The following FGF8 variants were observed in gnomAD, a reference collection of about 807,000 sequenced individuals.
The protein encoded by FGF8 is fibroblast growth factor 8, also known as androgen-induced growth factor.
In FGF8, 12 loss-of-function variants were observed where a neutral mutation model predicts 29.7. The ratio of observed to expected loss-of-function variants is 0.40; its 90% confidence interval spans 0.26 to 0.65. The LOEUF (loss-of-function observed/expected upper bound fraction) is 0.65. Among genes scored for constraint, FGF8 ranks in the 30% least tolerant of loss-of-function variants. FGF8 has a pLI of 0.37. For missense variants in FGF8, 271 were observed against 345.1 expected, an observed-to-expected ratio of 0.79 and a Z score of 1.70; for synonymous variants, 157 against 144.4, an observed-to-expected ratio of 1.09 and a Z score of -0.63.
In FGF8 at chr10:101,775,700, C is replaced by T. The variant is rs1345311618; in HGVS notation, c.69+40G>A. 1.3e-6 allele frequency: 2 copies of T among 1,539,288 alleles called. No individual in the cohort carries two copies. Among genetic ancestry groups the T allele is most frequent in the Non-Finnish European group, 1.7e-6 (2 of 1,144,178 alleles). ...CGGCGCTGCCCACCCGGGTCTCACACCGGCGCGCCCGGCCCCCGCCTCCGC... is the reference window on the plus strand; with the variant it reads ...CGGCGCTGCCCACCCGGGTCTCACATCGGCGCGCCCGGCCCCCGCCTCCGC... On this transcript the variant is annotated intron_variant, in intron 2 of 5. Transcript: ENST00000320185. This position sits in a 1 kb window ranked among gnomAD's most constrained non-coding sequence, Gnocchi z 4.6.
chr10:101,771,222 C>A lies in FGF8; in HGVS notation c.444+241G>T, dbSNP rs1409578921. 1.3e-5 allele frequency among the ~76,000 whole-genome samples: 2 copies of A among 152,172 alleles called. No homozygotes were observed. Among genetic ancestry groups the A allele is most frequent in the African/African-American group, 2.4e-5 (1 of 41,424 alleles). On this transcript the variant is annotated intron_variant, in intron 5 of 5. Coordinates refer to ENST00000320185, the MANE Select transcript of FGF8 (RefSeq NM_033163.5). The surrounding 1 kb of genome is among the most constrained non-coding windows in gnomAD (Gnocchi z 5.3). ...AAAAAGATATATGGAATTTACCAACCACCACCCCCCAGCCCCTTCCCTAGC... is the reference window on the plus strand; with the variant it reads ...AAAAAGATATATGGAATTTACCAACAACCACCCCCCAGCCCCTTCCCTAGC...
upstream of FGF8, among the ~76,000 whole-genome samples, chr10:101,778,149 T>C (rs543426069): frequency 6.6e-6 from 1 of 152,366 alleles, no homozygotes; most frequent in East Asian, 1.9e-4. Flanking sequence ...CAGTAGGCCC[T>C]CAAGCATGTT....
intron 4 of FGF8, among the ~76,000 whole-genome samples, chr10:101,773,080 G>A (rs541504570): frequency 4.6e-5 from 7 of 152,200 alleles, no homozygotes; most frequent in East Asian, 1.9e-4. Flanking sequence ...TATTCTCCCC[G>A]GACTACTCCT....
At chr10:101,779,449 G>A (rs997025560), upstream of FGF8, among the ~76,000 whole-genome samples, 6 of 152,248 alleles carry the variant, frequency 3.9e-5, no homozygotes, top group African/African-American at 1.4e-4. The surrounding 1 kb of genome is among the most constrained non-coding windows in gnomAD (Gnocchi z 5.7). Flanking sequence ...GGGCAAAGAA[G>A]AGGGCTCGAG....
intron 4 of FGF8, 120 bp downstream of exon 4, chr10:101,774,612 A>AC: frequency 1.2e-6 from 1 of 833,442 alleles, no homozygotes; most frequent in Non-Finnish European, 1.9e-6. Flanking sequence ...CCCTCAAGAC[A>AC]CCTTTCTGCC....
At position 101,774,986 on chromosome 10, in the gene FGF8, C is replaced by A. The variant is rs1358313828; in HGVS notation, c.157-74G>T. On this transcript the variant is annotated intron_variant, in intron 3 of 5. Transcript: ENST00000320185. ...CCCAGGGGCCCGAGTGGCCCCATCA[C>A]CCTGCGTCCCCCTCACTGCCCCAAG... is the stretch of plus-strand genomic sequence containing the variant. 14 of 1,553,036 alleles carry A rather than the reference C, an allele frequency of 9.0e-6. No individual in the cohort carries two copies. The Admixed American group carries it at 2.1e-4, about 24-fold the overall frequency.
chr10:101,774,650 C>A, intron 4 of FGF8, 82 bp downstream of exon 4: 1 of 1,211,830 alleles, frequency 8.3e-7, no homozygotes, highest in Admixed American at 1.7e-5. Flanking sequence ...GAGCTGGGGA[C>A]CCTGCAGGCC....
Position 101,771,188 on chromosome 10 carries a change from C to T in FGF8, c.444+275G>A, listed in dbSNP as rs185179366. Among the ~76,000 whole-genome samples, 14 of 152,314 alleles carry T rather than the reference C, an allele frequency of 9.2e-5. No homozygotes were observed. In the East Asian group the frequency reaches 1.9e-3, roughly 21 times the overall value. On this transcript the variant is annotated intron_variant, in intron 5 of 5. Coordinates refer to ENST00000320185, the MANE Select transcript of FGF8 (RefSeq NM_033163.5). The surrounding 1 kb of genome is among the most constrained non-coding windows in gnomAD (Gnocchi z 5.3). ...TGGACATAATAGCAAAGCAATTTGG[C>T]GATTTGTTAAAAAGATATATGGAAT...
rs529705500 is a variant in FGF8, at chr10:101,772,987, T to C, written c.338-1418A>G. On this transcript the variant is annotated intron_variant, in intron 4 of 5. Coordinates refer to ENST00000320185, the MANE Select transcript of FGF8 (RefSeq NM_033163.5). This position sits in a 1 kb window ranked among gnomAD's most constrained non-coding sequence, Gnocchi z 4.4. ...TGAGAGGATGCCACTCTGGGGATTC[T>C]GGCCAGATGCGGCAGGCAGGGATGA... Among the ~76,000 whole-genome samples the C allele has an allele frequency of 2.6e-5, 4 of 152,342 alleles. No homozygotes were observed. The East Asian group carries it at 7.7e-4, about 29-fold the overall frequency.
In FGF8 at chr10:101,775,418, C is replaced by T; in HGVS notation, c.70-202G>A. 3.3e-6 allele frequency: 2 copies of T among 607,112 alleles called. No individual in the cohort carries two copies. Among genetic ancestry groups the T allele is most frequent in the South Asian group, 3.9e-5 (2 of 51,070 alleles). The allele number at this position is 607,112 out of a possible 1,614,324, so 37.6% of individuals were successfully genotyped here. A position where few individuals can be genotyped will look rare whatever the true frequency, so the allele number is the denominator to read the frequency against. ...CCCGGCTTCCCCTGGCATCGAACAT[C>T]CATCCCCTGGCCGCGGCTGCCCCCT... On this transcript the variant is annotated intron_variant, in intron 2 of 5. Coordinates refer to ENST00000320185, the MANE Select transcript of FGF8 (RefSeq NM_033163.5). The surrounding 1 kb of genome is among the most constrained non-coding windows in gnomAD (Gnocchi z 4.6).
chr10:101,778,447 G>A (rs2065114924), upstream of FGF8, among the ~76,000 whole-genome samples: 1 of 152,226 alleles, frequency 6.6e-6, no homozygotes, highest in African/African-American at 2.4e-5. Context: ...GGAACCCCCA[G>A]AAGATTCTGA....
rs1391175985 is a variant in FGF8 at position 101,770,463 on chromosome 10, C to T, written c.601G>A (p.Val201Ile). ...GSKTRQHQRE[V>I]HFMKRLPRGH... The stretch of plus-strand genomic sequence containing the variant: ...CGGGGCAGCCGCTTCATGAAGTGGA[C>T]CTCACGCTGGTGCTGCCGCGTCTTG... The change falls in exon 6 of 6, where the codon GTC becomes ATC. Residue 201 changes from valine to isoleucine, a missense_variant. Physicochemically the swap from Val to Ile is conservative, Grantham distance 29. Transcript: ENST00000320185. The T allele has an allele frequency of 8.7e-6, 14 of 1,612,498 alleles. No homozygotes were observed. In the South Asian group the frequency reaches 1.3e-4, roughly 15 times the overall value.
chr10:101,775,247 G>C lies in FGF8; in HGVS notation c.70-31C>G, dbSNP rs1312348359. 1 of 1,443,132 alleles carries C rather than the reference G, an allele frequency of 6.9e-7. No individual in the cohort carries two copies. The highest frequency in any genetic ancestry group is 9.5e-7 in the Non-Finnish European group (1 of 1,053,206). 89.4% of individuals were successfully genotyped at this position (1,443,132 alleles called of 1,614,324 possible). On this transcript the variant is annotated intron_variant, in intron 2 of 5. Transcript: ENST00000320185. This position sits in a 1 kb window ranked among gnomAD's most constrained non-coding sequence, Gnocchi z 4.6. ...GGAGCAGGGCGCTTTTAAGTAGGGA[G>C]GCAGCCCTCCCCGACCCCTGACATT...
At chr10:101,779,897 C>T (rs920647397), upstream of FGF8, among the ~76,000 whole-genome samples, 1 of 152,236 alleles carries the variant, frequency 6.6e-6, no homozygotes, top group Non-Finnish European at 1.5e-5. The surrounding 1 kb of genome is among the most constrained non-coding windows in gnomAD (Gnocchi z 5.7). Flanking sequence ...AACGTATGCA[C>T]GCATGCATGC....
At chr10:101,773,529 C>T (rs984052794) in intron 4 of FGF8, among the ~76,000 whole-genome samples, 24 of 149,462 alleles carry the variant, frequency 1.6e-4, no homozygotes, top group African/African-American at 5.2e-4. Context: ...CCGCAGTTTA[C>T]GGCAGCTCTC....
At position 101,771,572 on chromosome 10, in the gene FGF8, G is replaced by A. The variant is rs773729366; in HGVS notation, c.338-3C>T. 2 of 1,612,974 alleles carry A rather than the reference G, an allele frequency of 1.2e-6. No individual in the cohort carries two copies. The highest frequency in any genetic ancestry group is 1.7e-6 in the Non-Finnish European group (2 of 1,178,968). ...GTCCGTCTCCACGATGAGCTTTGCT[G>A]TCAGAGAAGGTAGCAGGATGGCTAT... On this transcript the variant is annotated splice_region_variant and splice_polypyrimidine_tract_variant and intron_variant, in intron 4 of 5. Transcript: ENST00000320185. The surrounding 1 kb of genome is among the most constrained non-coding windows in gnomAD (Gnocchi z 5.3).
chr10:101,771,363 A>C lies in FGF8; in HGVS notation c.444+100T>G. Reference sequence around the variant, plus strand: ...AAGATGGCCCTGTGGCCTTCTGCCTACCTTGTTGGGATCAGAGCCCAGGAC... The same window carrying C: ...AAGATGGCCCTGTGGCCTTCTGCCTCCCTTGTTGGGATCAGAGCCCAGGAC... On this transcript the variant is annotated intron_variant, in intron 5 of 5. Transcript: ENST00000320185. This position sits in a 1 kb window ranked among gnomAD's most constrained non-coding sequence, Gnocchi z 5.3. The C allele has an allele frequency of 2.2e-6, 2 of 890,308 alleles. No homozygotes were observed. The highest frequency in any genetic ancestry group is 3.8e-6 in the Non-Finnish European group (2 of 531,234). The allele number at this position is 890,308 out of a possible 1,614,324, so 55.2% of individuals were successfully genotyped here. A position where few individuals can be genotyped will look rare whatever the true frequency, so the allele number is the denominator to read the frequency against.
At chr10:101,779,898 G>A (rs2065129623), upstream of FGF8, among the ~76,000 whole-genome samples, 1 of 152,238 alleles carries the variant, frequency 6.6e-6, no homozygotes, top group Non-Finnish European at 1.5e-5. The surrounding 1 kb of genome is among the most constrained non-coding windows in gnomAD (Gnocchi z 5.7). Context: ...ACGTATGCAC[G>A]CATGCATGCA....
chr10:101,777,573 G>A (rs372852422), upstream of FGF8, among the ~76,000 whole-genome samples: 12 of 152,146 alleles, frequency 7.9e-5, no homozygotes, highest in East Asian at 3.9e-4. Context: ...TAGAGGGTGC[G>A]TTCCAAGATC....
Sources: allele counts gnomAD v4.1 joint callset (sites outside exome capture counted in the v4.1 genomes callset), GRCh38; gene constraint gnomAD v4.1.1; non-coding constraint Gnocchi (gnomAD v3.1); transcripts MANE v1.5; gene names NCBI Gene and HGNC (gene_info 2026-07-23, HGNC 2026-07-21).